Variants in DENND6A observed in about 807,000 individuals in gnomAD.
The protein encoded by DENND6A is DENN domain containing 6A.
Under a neutral mutation model 95.5 loss-of-function variants are expected in DENND6A, and 43 were observed. That is an observed-to-expected ratio of 0.45 (90% CI 0.35 to 0.58). The LOEUF (loss-of-function observed/expected upper bound fraction) is 0.58, where lower values mean the gene tolerates loss of function less well. DENND6A is among the 20% of genes least tolerant of loss of function. The pLI is 0.00. For missense variants in DENND6A, 574 were observed against 736.0 expected (o/e 0.78, Z 2.55); for synonymous variants, 257 against 260.4 (o/e 0.99, Z 0.13).
chr3:57,663,480 AAAAAAAAAT>A (rs1182281983), intron 5 of DENND6A, among the ~76,000 whole-genome samples, 147 bp downstream of exon 5: 2 of 129,344 alleles, frequency 1.5e-5, no homozygotes, highest in Non-Finnish European at 3.2e-5. Context: ...AAAAAAAAAA[AAAAAAAAAT>A]ATATATATAC....
At chr3:57,643,162 CAG>C (rs141059940) in intron 11 of DENND6A, among the ~76,000 whole-genome samples, 1,990 of 152,088 alleles carry the variant, frequency 0.013, 48 homozygotes, top group African/African-American at 0.045. Flanking sequence ...GAAATGTAAT[CAG>C]AGATATTTTA....
In DENND6A at chr3:57,692,767, G is replaced by C; in HGVS notation, c.237+15C>G. Reference sequence around the variant, plus strand: ...CAGGGGAGGAGCGCCGAGAAAGGGCGGGGCCGGGCCTCACCTCCACGGCCT... The same window carrying C: ...CAGGGGAGGAGCGCCGAGAAAGGGCCGGGCCGGGCCTCACCTCCACGGCCT... On this transcript the variant is annotated intron_variant, in intron 1 of 19. Transcript: ENST00000311128. 1 of 1,464,044 alleles carries C rather than the reference G, an allele frequency of 6.8e-7. No homozygotes were observed. The highest frequency in any genetic ancestry group is 9.0e-7 in the Non-Finnish European group (1 of 1,113,210). The allele number at this position is 1,464,044 out of a possible 1,614,324, so 90.7% of individuals were successfully genotyped here. A position where few individuals can be genotyped will look rare whatever the true frequency, so the allele number is the denominator to read the frequency against.
chr3:57,660,224 C>A (rs545801561), intron 7 of DENND6A, among the ~76,000 whole-genome samples: 1 of 150,042 alleles, frequency 6.7e-6, no homozygotes. Context: ...GACAGGGTCT[C>A]GCTTTTGTCC....
intron 1 of DENND6A, among the ~76,000 whole-genome samples, chr3:57,673,569 A>C (rs1187310829): frequency 6.6e-6 from 1 of 152,232 alleles, no homozygotes. Context: ...AAAATCACTA[A>C]AGAGTAGAAC....
rs1225964230 is a variant in DENND6A, at chr3:57,646,364, A to G, written c.893T>C (p.Met298Thr). The change falls in exon 10 of 20, where the codon ATG becomes ACG. Residue 298 changes from methionine to threonine, a missense_variant. Physicochemically the swap from Met to Thr is moderately conservative, Grantham distance 81 (BLOSUM62 -1). Transcript: ENST00000311128. ...TGATGATTCCGATGGTGATGGCGCC[A>G]TAACCACAAGGGGCTCCCCCAACAG... ...LVLLGEPLVV[M>T]APSPSESSET... 1 of 1,614,120 alleles carries G rather than the reference A, an allele frequency of 6.2e-7. No homozygotes were observed. The highest frequency in any genetic ancestry group is 1.7e-5 in the Admixed American group (1 of 60,018).
chr3:57,676,613 C>T (rs2071714095), intron 1 of DENND6A, among the ~76,000 whole-genome samples: 1 of 151,564 alleles, frequency 6.6e-6, no homozygotes, highest in Non-Finnish European at 1.5e-5. Context: ...ATCATGGATA[C>T]AAATGCTTAA....
At chr3:57,669,544 T>A (rs533303577) in intron 3 of DENND6A, among the ~76,000 whole-genome samples, 3 of 150,636 alleles carry the variant, frequency 2.0e-5, no homozygotes, top group Non-Finnish European at 3.0e-5. Context: ...TGAAACCCCA[T>A]CTCTACTAAA....
At chr3:57,641,875 T>G in intron 11 of DENND6A, 128 bp from the exon 12 acceptor site, 1 of 645,238 alleles carries the variant, frequency 1.5e-6, no homozygotes, top group Non-Finnish European at 2.5e-6. Context: ...TTCAACACAT[T>G]ACATATCAAC....
intron 9 of DENND6A, among the ~76,000 whole-genome samples, chr3:57,647,761 A>G (rs897277379): frequency 8.0e-5 from 12 of 149,392 alleles, no homozygotes; most frequent in African/African-American, 2.9e-4. Context: ...TGGTGTTGAG[A>G]GTCAGAGCCC....
intron 1 of DENND6A, among the ~76,000 whole-genome samples, chr3:57,691,652 A>C (rs2077265611): frequency 7.1e-6 from 1 of 140,450 alleles, no homozygotes. Context: ...AATGAAATCG[A>C]AATCTGTCAC....
intron 9 of DENND6A, among the ~76,000 whole-genome samples, chr3:57,652,976 G>A (rs751444989): frequency 6.6e-6 from 1 of 152,156 alleles, no homozygotes; most frequent in Non-Finnish European, 1.5e-5. Flanking sequence ...ATTTGAACTG[G>A]TCTTAGTATT....
rs538273636 is a variant in DENND6A at position 57,633,278 on chromosome 3, A to G, written c.1340T>C (p.Phe447Ser). The change falls in exon 15 of 20, where the codon TTC (phenylalanine) becomes TCC (serine). Residue 447 changes from phenylalanine (F) to serine (S), a missense_variant. Around this residue, in one of 2 missense-constraint regions of DENND6A, gnomAD observed 452 missense variants for 630.9 expected, o/e 0.72. Transcript: ENST00000311128. Reference protein sequence around the residue: ...RRYFLELTQSFIIPLERYVAS... With the variant: ...RRYFLELTQSSIIPLERYVAS... ...TTATTAACTTACTAATGGAATGATG[A>G]AACTTTGTGTCAGTTCCAAAAAATA... 1 of 1,613,352 alleles carries G rather than the reference A, an allele frequency of 6.2e-7. No homozygotes were observed. The highest frequency in any genetic ancestry group is 1.1e-5 in the South Asian group (1 of 90,992).
intron 9 of DENND6A, among the ~76,000 whole-genome samples, 158 bp from the exon 10 acceptor site, chr3:57,646,596 T>C (rs1208673161): frequency 6.6e-6 from 1 of 152,238 alleles, no homozygotes; most frequent in African/African-American, 2.4e-5. Flanking sequence ...TGGTGATGTA[T>C]AGAGACATAA....
At chr3:57,658,990 T>G (rs1187381199) in intron 8 of DENND6A, 128 bp downstream of exon 8, 2 of 791,152 alleles carry the variant, frequency 2.5e-6, no homozygotes, top group Non-Finnish European at 3.9e-6. Context: ...TAAAAATTAT[T>G]TAATGGGACA....
Position 57,662,185 on chromosome 3 carries a change from C to CTTTTTTTTTTTTT in DENND6A, c.514-647_514-635dup, listed in dbSNP as rs60063768. Among the ~76,000 whole-genome samples, 375 of 79,124 alleles carry CTTTTTTTTTTTTT rather than the reference C, an allele frequency of 4.7e-3. 5 individuals carry two copies. Among genetic ancestry groups the CTTTTTTTTTTTTT allele is most frequent in the East Asian group, 0.011 (25 of 2,254 alleles). The allele number at this position is 79,124 out of a possible 152,430, so 51.9% of individuals were successfully genotyped here. A position where few individuals can be genotyped will look rare whatever the true frequency, so the allele number is the denominator to read the frequency against. On this transcript the variant is annotated intron_variant, in intron 5 of 19. Transcript: ENST00000311128. Reference sequence around the variant, plus strand: ...TTTTTGTTTCTTTCTTTTCTTTTTTCTTTTTTTTTTTTTTTTTTTTTTTGA... The same window carrying CTTTTTTTTTTTTT: ...TTTTTGTTTCTTTCTTTTCTTTTTTCTTTTTTTTTTTTTTTTTTTTTTTTTTTTTTTTTTTTGA...
chr3:57,678,322 G>T (rs887304077), intron 1 of DENND6A, among the ~76,000 whole-genome samples: 13 of 152,166 alleles, frequency 8.5e-5, no homozygotes, highest in Admixed American at 1.3e-4. Context: ...TTTCTTCTGA[G>T]AAACACGTTC....
At chr3:57,666,468 A>G (rs1226684789) in intron 3 of DENND6A, among the ~76,000 whole-genome samples, 1 of 152,142 alleles carries the variant, frequency 6.6e-6, no homozygotes, top group Non-Finnish European at 1.5e-5. Context: ...TCTCTTTACT[A>G]TTTTTCCTAT....
Position 57,666,175 on chromosome 3 carries a change from G to C in DENND6A, c.380C>G (p.Ser127Trp). ...AAATTGATCCAGGAGACAATGCAGCGACACCCTCCTCCCAGAAGACTGTCG... is the reference window on the plus strand; with the variant it reads ...AAATTGATCCAGGAGACAATGCAGCCACACCCTCCTCCCAGAAGACTGTCG... ...RFRQSSGRRV[S>W]LHCLLDQFDK... The change falls in exon 4 of 20, where the codon TCG (serine) becomes TGG (tryptophan). Residue 127 changes from serine (S) to tryptophan (W), a missense_variant. Transcript: ENST00000311128. 1 of 1,613,776 alleles carries C rather than the reference G, an allele frequency of 6.2e-7. No homozygotes were observed. The highest frequency in any genetic ancestry group is 1.1e-5 in the South Asian group (1 of 91,056).
At chr3:57,648,906 T>C (rs2071135540) in intron 9 of DENND6A, among the ~76,000 whole-genome samples, 1 of 152,102 alleles carries the variant, frequency 6.6e-6, no homozygotes, top group African/African-American at 2.4e-5. Context: ...CCTGAAATCA[T>C]AAAATTTCTA....
Sources: gnomAD v4.1 joint callset for allele counts (sites outside exome capture counted in the v4.1 genomes callset) on GRCh38, gnomAD v4.1.1 for gene constraint, gnomAD v4.1.1 regional missense constraint, MANE v1.5 for transcripts, NCBI Gene and HGNC (gene_info 2026-07-23, HGNC 2026-07-21) for gene names.